GABRA3: variants seen among roughly 807,000 people sequenced by gnomAD.
The protein encoded by GABRA3 is gamma-aminobutyric acid receptor subunit alpha-3.
GABRA3 carries 10 observed loss-of-function variants against 30.1 expected under a neutral mutation model. The ratio of observed to expected loss-of-function variants is 0.33; its 90% confidence interval spans 0.20 to 0.56. The LOEUF (loss-of-function observed/expected upper bound fraction) is 0.56, where lower values mean the gene tolerates loss of function less well. Ranked by LOEUF, GABRA3 falls within the 20% of genes least tolerant of loss-of-function variation. GABRA3 has a pLI of 0.89. For missense variants in GABRA3, 233 were observed against 392.0 expected, an observed-to-expected ratio of 0.59 and a Z score of 3.42; for synonymous variants, 151 against 146.8, an observed-to-expected ratio of 1.03 and a Z score of -0.21.
Position 152,168,247 on chromosome X carries a change from C to G in GABRA3, c.1460G>C (p.Gly487Ala), listed in dbSNP as rs767900140. The change falls in exon 10 of 10, where the codon GGC becomes GCC. Residue 487 changes from glycine to alanine, a missense_variant. Around this residue, in one of 6 missense-constraint regions of GABRA3, gnomAD observed 18 missense variants for 38.5 expected, o/e 0.47. Transcript: ENST00000370314. Reference sequence around the variant, plus strand: ...CACTATCTACTGTTTGCGGATCATGCCCTTGATAGCTGACTCCCGGTTGAC... The same window carrying G: ...CACTATCTACTGTTTGCGGATCATGGCCTTGATAGCTGACTCCCGGTTGAC... ...TYVNRESAIK[G>A]MIRKQ 8.3e-7 allele frequency: 1 copy of G among 1,209,879 alleles called. No homozygotes were observed. Among genetic ancestry groups the G allele is most frequent in the Admixed American group, 2.2e-5 (1 of 46,002 alleles).
intron 2 of GABRA3, among the ~76,000 whole-genome samples, chrX:152,357,527 C>T (rs1247508706): frequency 9.0e-6 from 1 of 111,340 alleles, no homozygotes; most frequent in African/African-American, 3.3e-5. Context: ...GGATATTAGA[C>T]CCTTGTTGGA....
At chrX:152,367,275 C>T (rs756125531) in intron 1 of GABRA3, among the ~76,000 whole-genome samples, 2 of 111,516 alleles carry the variant, frequency 1.8e-5, no homozygotes, top group African/African-American at 6.5e-5. Flanking sequence ...GGCACAAATG[C>T]AGATGCCTTT....
chrX:152,291,316 T>C lies in GABRA3; in HGVS notation c.263-6581A>G, dbSNP rs1356863999. ...TTCACTCATGATGTGGCTCTCTGTC[T>C]GTTATTGGTGTATAGGAATACTTGT... On this transcript the variant is annotated intron_variant, in intron 3 of 9. Transcript: ENST00000370314. Among the ~76,000 whole-genome samples, 3 of 111,641 alleles carry C rather than the reference T, an allele frequency of 2.7e-5. No individual in the cohort carries two copies. In the Admixed American group the frequency reaches 2.9e-4, roughly 11 times the overall value.
intron 5 of GABRA3, among the ~76,000 whole-genome samples, chrX:152,241,957 C>A (rs894250764): frequency 1.8e-4 from 20 of 111,808 alleles, no homozygotes; most frequent in African/African-American, 5.5e-4. Context: ...GCAGAAATCA[C>A]CCGTCTTCTG....
chrX:152,363,011 C>T (rs927484699), intron 2 of GABRA3, among the ~76,000 whole-genome samples: 1 of 111,890 alleles, frequency 8.9e-6, no homozygotes, highest in African/African-American at 3.2e-5. Context: ...GTTCAGTAGA[C>T]AGTTGGATAT....
intron 4 of GABRA3, among the ~76,000 whole-genome samples, chrX:152,262,735 C>A (rs1422529818): frequency 8.9e-6 from 1 of 111,842 alleles, no homozygotes; most frequent in Non-Finnish European, 1.9e-5. Context: ...AACTTTCCCA[C>A]ATTTTTCTTT....
At chrX:152,407,220 A>C (rs1301976150) in intron 1 of GABRA3, among the ~76,000 whole-genome samples, 1 of 111,797 alleles carries the variant, frequency 8.9e-6, no homozygotes, top group Non-Finnish European at 1.9e-5. Context: ...GAAGAAAGGA[A>C]ATAATAAAGA....
At chrX:152,304,965 G>T (rs1319021542) in intron 3 of GABRA3, among the ~76,000 whole-genome samples, 1 of 111,519 alleles carries the variant, frequency 9.0e-6, no homozygotes, top group Non-Finnish European at 1.9e-5. Context: ...CCATTTATTT[G>T]TATCATCTCT....
intron 3 of GABRA3, among the ~76,000 whole-genome samples, chrX:152,317,534 T>C: frequency 9.0e-6 from 1 of 111,657 alleles, no homozygotes; most frequent in Non-Finnish European, 1.9e-5. Flanking sequence ...TATCAGCACA[T>C]GGAATTTTCT....
intron 1 of GABRA3, among the ~76,000 whole-genome samples, chrX:152,407,743 A>G (rs932334253): frequency 8.9e-6 from 1 of 111,908 alleles, no homozygotes; most frequent in Non-Finnish European, 1.9e-5. Context: ...TATTACACCA[A>G]TACCAAAACC....
At chrX:152,250,006 C>G (rs753824334) in intron 5 of GABRA3, among the ~76,000 whole-genome samples, 1 of 110,853 alleles carries the variant, frequency 9.0e-6, no homozygotes, top group South Asian at 3.8e-4. Context: ...TGCATGATGT[C>G]GATTCATGAA....
intron 5 of GABRA3, among the ~76,000 whole-genome samples, chrX:152,230,094 T>C (rs1938038753): frequency 9.0e-6 from 1 of 111,501 alleles, no homozygotes; most frequent in Non-Finnish European, 1.9e-5. Context: ...AGAAAAGAAA[T>C]GGGGAATGAC....
intron 1 of GABRA3, among the ~76,000 whole-genome samples, chrX:152,411,456 G>C (rs1268420976): frequency 3.6e-5 from 4 of 111,688 alleles, no homozygotes; most frequent in Non-Finnish European, 5.6e-5. Context: ...AGAATCAATT[G>C]GGATTACTTT....
chrX:152,197,911 A>G (rs1200092181), intron 7 of GABRA3, 126 bp from the exon 8 acceptor site: 2 of 496,310 alleles, frequency 4.0e-6, no homozygotes, highest in South Asian at 4.5e-5. Flanking sequence ...CCAAGTTCAT[A>G]TAACTAGAGC....
intron 1 of GABRA3, among the ~76,000 whole-genome samples, chrX:152,400,327 T>A (rs1190884732): frequency 9.2e-6 from 1 of 108,484 alleles, no homozygotes; most frequent in Non-Finnish European, 1.9e-5. Context: ...ATCCCATCTG[T>A]ACATAAATAG....
At chrX:152,212,506 A>G (rs1367967941) in intron 6 of GABRA3, among the ~76,000 whole-genome samples, 5 of 109,107 alleles carry the variant, frequency 4.6e-5, no homozygotes. Flanking sequence ...AAGGAGAGAG[A>G]TGACATGACC....
intron 3 of GABRA3, among the ~76,000 whole-genome samples, chrX:152,303,001 C>G (rs1432568361): frequency 8.9e-6 from 1 of 111,913 alleles, no homozygotes; most frequent in Non-Finnish European, 1.9e-5. Flanking sequence ...TACATTGACT[C>G]CATGTCTTTT....
chrX:152,237,155 C>A (rs1221394241), intron 5 of GABRA3, among the ~76,000 whole-genome samples: 1 of 111,310 alleles, frequency 9.0e-6, no homozygotes, highest in Non-Finnish European at 1.9e-5. Context: ...TCTAATCCAT[C>A]TTGAATTGAT....
At chrX:152,251,395 T>C (rs190215273) in intron 5 of GABRA3, among the ~76,000 whole-genome samples, 1 of 110,462 alleles carries the variant, frequency 9.1e-6, no homozygotes. Flanking sequence ...CCATCCTCTC[T>C]CCTTTCTTCT....
Sources: gnomAD v4.1 joint callset for allele counts (sites outside exome capture counted in the v4.1 genomes callset) on GRCh38, gnomAD v4.1.1 for gene constraint, gnomAD v4.1.1 regional missense constraint, MANE v1.5 for transcripts, NCBI Gene and HGNC (gene_info 2026-07-23, HGNC 2026-07-21) for gene names.